THTPA: variants seen among roughly 807,000 people sequenced by gnomAD.
THTPA encodes the protein thiamine triphosphatase.
In THTPA, 16 loss-of-function variants were observed where a neutral mutation model predicts 16.5. The ratio of observed to expected loss-of-function variants is 0.97; its 90% CI spans 0.66 to 1.47. The LOEUF (loss-of-function observed/expected upper bound fraction) is 1.47, where lower values mean the gene tolerates loss of function less well. THTPA is among the 40% of genes most tolerant of loss of function. The pLI is 0.00. For synonymous variants in THTPA, 110 were observed against 115.5 expected, an observed-to-expected ratio of 0.95 and a Z score of 0.30; for missense variants, 281 against 280.9, an observed-to-expected ratio of 1.00 and a Z score of 0.00.
At chr14:23,557,362 C>G in intron 1 of THTPA, 58 bp downstream of exon 1, 1 of 1,485,132 alleles carries the variant, frequency 6.7e-7, no homozygotes. Flanking sequence ...CTTTTGGAGG[C>G]ACCTGCTGGA....
the THTPA span, chr14:23,532,742 C>T: frequency 2.0e-6 from 3 of 1,536,086 alleles, no homozygotes; most frequent in Non-Finnish European, 2.6e-6. Flanking sequence ...GGCTCCACCC[C>T]CCTCCCGCAG....
At chr14:23,554,874 A>G (rs113285324), upstream of THTPA, among the ~76,000 whole-genome samples, 31 of 152,338 alleles carry the variant, frequency 2.0e-4, 1 homozygote, top group African/African-American at 7.5e-4. Flanking sequence ...AAGGTCAGAC[A>G]TATAGTTAGA....
At position 23,558,929 on chromosome 14, in the gene THTPA, C is replaced by G; in HGVS notation, c.*89C>G. ...TGTGCCTCTCCCCTCAGTGTCCCTT[C>G]TGACAGTGACTCCTCTCTCTCCAGC... On this transcript the variant is annotated 3_prime_UTR_variant, in exon 2 of 2. Coordinates refer to ENST00000288014, the MANE Select transcript of THTPA (RefSeq NM_024328.6). 6.8e-7 allele frequency: 1 copy of G among 1,464,620 alleles called. No individual in the cohort carries two copies. Among genetic ancestry groups the G allele is most frequent in the East Asian group, 2.3e-5 (1 of 42,888 alleles). The allele number at this position is 1,464,620 out of a possible 1,614,324, so 90.7% of individuals were successfully genotyped here. A position where few individuals can be genotyped will look rare whatever the true frequency, so the allele number is the denominator to read the frequency against.
the THTPA span, chr14:23,531,946 T>G: frequency 6.6e-6 from 3 of 454,494 alleles, no homozygotes; most frequent in Non-Finnish European, 1.0e-5. Flanking sequence ...TGGCTAATTT[T>G]TGTATTTTTA....
At chr14:23,551,080 C>A (rs1881903198), upstream of THTPA, among the ~76,000 whole-genome samples, 2 of 152,004 alleles carry the variant, frequency 1.3e-5, no homozygotes, top group African/African-American at 4.8e-5. The surrounding 1 kb of genome is among the most constrained non-coding windows in gnomAD (Gnocchi z 5.3). Context: ...TCCCTCCACC[C>A]CCGCATCTCT....
chr14:23,540,654 C>G, the THTPA span, among the ~76,000 whole-genome samples: 17 of 152,230 alleles, frequency 1.1e-4, no homozygotes, highest in Non-Finnish European at 1.9e-4. Context: ...AATCCTTGCT[C>G]CATCACTCAC....
the THTPA span, among the ~76,000 whole-genome samples, chr14:23,516,394 G>A: frequency 6.6e-6 from 1 of 152,146 alleles, no homozygotes. Flanking sequence ...ATGCGTTTTG[G>A]GTGGGAGCAG....
chr14:23,560,148 C>T lies in THTPA; in HGVS notation c.*1308C>T. ...CCTGTAACTCCCCAAGTGCTGATCT[C>T]CAGATGACTCAATCCCATCTCACAC... is the stretch of plus-strand genomic sequence containing the variant. On this transcript the variant is annotated 3_prime_UTR_variant, in exon 2 of 2. Coordinates refer to ENST00000288014, the MANE Select transcript of THTPA (RefSeq NM_024328.6). 5 of 1,476,118 alleles carry T rather than the reference C, an allele frequency of 3.4e-6. No individual in the cohort carries two copies. The highest frequency in any genetic ancestry group is 3.7e-6 in the Non-Finnish European group (4 of 1,074,476). The allele number at this position is 1,476,118 out of a possible 1,614,324, so 91.4% of individuals were successfully genotyped here.
chr14:23,537,503 C>G, the THTPA span, among the ~76,000 whole-genome samples: 15 of 152,286 alleles, frequency 9.8e-5, no homozygotes, highest in Non-Finnish European at 2.1e-4. Context: ...CCCACCCAAC[C>G]TGAAGGCCCC....
At chr14:23,527,884 C>A in the THTPA span, 4 of 1,126,438 alleles carry the variant, frequency 3.6e-6, no homozygotes, top group Non-Finnish European at 5.0e-6. Flanking sequence ...GGATGCAGCA[C>A]TGGCCCGCCC....
chr14:23,530,001 CCTTT>C, the THTPA span: 5 of 1,125,548 alleles, frequency 4.4e-6, no homozygotes, highest in East Asian at 2.6e-5. Flanking sequence ...CCTGATGAGC[CCTTT>C]CTTTAATCAG....
chr14:23,527,570 CTTG>C, the THTPA span: 7 of 1,535,996 alleles, frequency 4.6e-6, no homozygotes, highest in Admixed American at 7.8e-5. Context: ...CTAATAAGGT[CTTG>C]TTGTACCGTC....
chr14:23,534,168 G>A, the THTPA span: 5 of 1,474,210 alleles, frequency 3.4e-6, no homozygotes, highest in Non-Finnish European at 4.5e-6. The surrounding 1 kb of genome is among the most constrained non-coding windows in gnomAD (Gnocchi z 4.5). Context: ...TGAGTGGGGG[G>A]CAGAGCCCTC....
chr14:23,538,557 C>G, the THTPA span, among the ~76,000 whole-genome samples: 7 of 152,146 alleles, frequency 4.6e-5, no homozygotes, highest in Non-Finnish European at 1.0e-4. Flanking sequence ...CCTGCCACCC[C>G]CAAGACCAAG....
chr14:23,530,560 T>A, the THTPA span: 1 of 449,232 alleles, frequency 2.2e-6, no homozygotes, highest in Non-Finnish European at 4.2e-6. Flanking sequence ...GAAGGAAGCC[T>A]TGGCTGAATG....
At chr14:23,514,986 A>T in the THTPA span, among the ~76,000 whole-genome samples, 1 of 152,158 alleles carries the variant, frequency 6.6e-6, no homozygotes, top group Admixed American at 6.5e-5. Flanking sequence ...CACCATGCGA[A>T]AGGAAACAAG....
the THTPA span, among the ~76,000 whole-genome samples, chr14:23,520,471 T>C: frequency 6.6e-6 from 1 of 152,078 alleles, no homozygotes; most frequent in Non-Finnish European, 1.5e-5. This position sits in a 1 kb window ranked among gnomAD's most constrained non-coding sequence, Gnocchi z 8.7. Context: ...GAAGCAGATC[T>C]CAGATTCAGA....
chr14:23,531,685 C>T, the THTPA span: 6 of 1,400,882 alleles, frequency 4.3e-6, no homozygotes, highest in Admixed American at 5.3e-5. Context: ...AGCCCCAGCT[C>T]TGCCCCTGCC....
chr14:23,534,686 G>C, the THTPA span: 1 of 1,536,204 alleles, frequency 6.5e-7, no homozygotes, highest in African/African-American at 1.4e-5. This position sits in a 1 kb window ranked among gnomAD's most constrained non-coding sequence, Gnocchi z 4.5. Flanking sequence ...GGTGGATTTG[G>C]AGCCAGCTGG....
Sources: allele counts gnomAD v4.1 joint callset (sites outside exome capture counted in the v4.1 genomes callset), GRCh38; gene constraint gnomAD v4.1.1; non-coding constraint Gnocchi (gnomAD v3.1); transcripts MANE v1.5; gene names NCBI Gene and HGNC (gene_info 2026-07-23, HGNC 2026-07-21).